The following CACNA1B variants were observed in gnomAD, a reference collection of about 807,000 sequenced individuals.
The protein encoded by CACNA1B is calcium voltage-gated channel subunit alpha1 B, also known as voltage-dependent N-type calcium channel subunit alpha-1B.
A neutral mutation model predicts 247.2 loss-of-function variants in CACNA1B; 70 were observed. The ratio of observed to expected loss-of-function variants is 0.28; its 90% CI spans 0.23 to 0.35. The LOEUF (loss-of-function observed/expected upper bound fraction) is 0.35. Among genes scored for constraint, CACNA1B ranks in the 10% least tolerant of loss-of-function variants. The pLI, the probability that CACNA1B is intolerant of heterozygous loss-of-function variation, is 1.00. For missense variants in CACNA1B, 2,367 were observed against 3,197.4 expected (o/e 0.74, Z 6.26); for synonymous variants, 1,231 against 1,294.4 (o/e 0.95, Z 1.05).
chr9:138,050,006 C>T lies in CACNA1B; in HGVS notation c.3710+691C>T, dbSNP rs754882972. The T allele has an allele frequency of 1.1e-5, 13 of 1,165,500 alleles. No homozygotes were observed. The highest frequency in any genetic ancestry group is 5.8e-5 in the East Asian group (1 of 17,388). The allele number at this position is 1,165,500 out of a possible 1,614,324, so 72.2% of individuals were successfully genotyped here. On this transcript the variant is annotated intron_variant, in intron 24 of 46. Transcript: ENST00000371372. The surrounding 1 kb of genome is among the most constrained non-coding windows in gnomAD (Gnocchi z 5.2). The stretch of plus-strand genomic sequence containing the variant: ...GAGGGAGGGTCCACATCTCTCTGAG[C>T]GGCTGGGAGGGCTGCTCCTGGTGCC...
chr9:137,975,649 T>C (rs1326420197), intron 11 of CACNA1B, among the ~76,000 whole-genome samples: 1 of 152,200 alleles, frequency 6.6e-6, no homozygotes, highest in Non-Finnish European at 1.5e-5. Context: ...GGAGCTTGCC[T>C]CCTGCTGAGC....
rs1962034626 is a variant in CACNA1B at position 138,120,234 on chromosome 9, C to G, written c.6100C>G (p.Leu2034Val). Residue 2034 changes from leucine to valine, a missense_variant, in exon 45 of 47, where the codon CTT (leucine) becomes GTT (valine). By Grantham distance (32) the Leu-to-Val change is conservative. Coordinates refer to ENST00000371372, the MANE Select transcript of CACNA1B (RefSeq NM_000718.4). ...TLAQRPRGTH[L>V]CSTTPDRPPP... ...GGCCCAGCGGCCCCGTGGGACTCAT[C>G]TTTGCAGCACCACCCCGGACCGCCC... 6.2e-7 allele frequency: 1 copy of G among 1,607,852 alleles called. No homozygotes were observed. The highest frequency in any genetic ancestry group is 8.5e-7 in the Non-Finnish European group (1 of 1,177,942).
At chr9:138,069,813 TC>T in intron 32 of CACNA1B, 50 bp downstream of exon 32, 4 of 1,561,606 alleles carry the variant, frequency 2.6e-6, no homozygotes, top group Non-Finnish European at 3.5e-6. Flanking sequence ...CTTTGCTCGC[TC>T]TGCTCCTCTC....
intron 37 of CACNA1B, 126 bp downstream of exon 37, chr9:138,096,737 G>C: frequency 1.2e-6 from 1 of 838,450 alleles, no homozygotes; most frequent in Non-Finnish European, 1.8e-6. Flanking sequence ...GGGGCCTAGG[G>C]ATCTGTCCTG....
At chr9:138,029,931 C>A (rs6559260) in intron 20 of CACNA1B, among the ~76,000 whole-genome samples, 3 of 151,920 alleles carry the variant, frequency 2.0e-5, no homozygotes, top group Non-Finnish European at 1.5e-5. Flanking sequence ...CATCAAATTT[C>A]AAAATTAACT....
At chr9:137,953,657 T>A (rs1564205512) in intron 7 of CACNA1B, among the ~76,000 whole-genome samples, 1 of 152,064 alleles carries the variant, frequency 6.6e-6, no homozygotes. Flanking sequence ...ACATCTCAGC[T>A]GAGACCCCAC....
At chr9:138,044,033 C>A in intron 21 of CACNA1B, 133 bp downstream of exon 21, 1 of 1,232,724 alleles carries the variant, frequency 8.1e-7, no homozygotes, top group Non-Finnish European at 1.1e-6. Flanking sequence ...CCATGGCAGA[C>A]CCCAGAGGCA....
At chr9:137,884,069 C>T (rs1255606375) in intron 3 of CACNA1B, among the ~76,000 whole-genome samples, 2 of 151,968 alleles carry the variant, frequency 1.3e-5, no homozygotes, top group African/African-American at 2.4e-5. Flanking sequence ...CTCGCATTGC[C>T]TGCCTGGATC....
intron 7 of CACNA1B, among the ~76,000 whole-genome samples, chr9:137,953,270 T>C (rs1957900145): frequency 6.6e-6 from 1 of 152,186 alleles, no homozygotes; most frequent in African/African-American, 2.4e-5. Context: ...GGCTTCCTGC[T>C]CCCACCTTGG....
intron 10 of CACNA1B, among the ~76,000 whole-genome samples, chr9:137,970,043 CAT>C (rs1392723708): frequency 6.6e-6 from 1 of 152,192 alleles, no homozygotes; most frequent in Non-Finnish European, 1.5e-5. Context: ...GGTGTGCACA[CAT>C]ATGCATGTGT....
At chr9:138,087,036 T>C (rs1404335594) in intron 36 of CACNA1B, among the ~76,000 whole-genome samples, 3 of 151,182 alleles carry the variant, frequency 2.0e-5, no homozygotes, top group Non-Finnish European at 4.4e-5. Flanking sequence ...TACAAATTCA[T>C]GAAAATTAAC....
chr9:137,920,528 A>G (rs950492234), intron 6 of CACNA1B, among the ~76,000 whole-genome samples: 22 of 152,166 alleles, frequency 1.4e-4, no homozygotes, highest in Admixed American at 4.6e-4. Context: ...TTGAAACTGT[A>G]TTTTCCACTT....
Position 138,059,292 on chromosome 9 carries a change from C to T in CACNA1B, c.4584+103C>T, listed in dbSNP as rs908557273. The T allele has an allele frequency of 1.8e-5, 13 of 702,708 alleles. No individual in the cohort carries two copies. Among genetic ancestry groups the T allele is most frequent in the African/African-American group, 1.6e-4 (9 of 57,118 alleles). The allele number at this position is 702,708 out of a possible 1,614,324, so 43.5% of individuals were successfully genotyped here. On this transcript the variant is annotated intron_variant, in intron 30 of 46. Transcript: ENST00000371372. The surrounding 1 kb of genome is among the most constrained non-coding windows in gnomAD (Gnocchi z 4.2). ...TCACAATTTGGAGCTGGGAATTCTC[C>T]GAGTACCCAGAGTATATGTAATGCT...
intron 3 of CACNA1B, among the ~76,000 whole-genome samples, chr9:137,892,934 G>C (rs1460176863): frequency 6.6e-6 from 1 of 152,242 alleles, no homozygotes; most frequent in African/African-American, 2.4e-5. Flanking sequence ...TGGGCTCCCA[G>C]AGCCCGACAG....
In CACNA1B at chr9:138,122,203, C is replaced by T. The variant is rs200435559; in HGVS notation, c.*204C>T. The T allele has an allele frequency of 6.7e-6, 4 of 594,334 alleles. No individual in the cohort carries two copies. The highest frequency in any genetic ancestry group is 3.0e-5 in the Admixed American group (1 of 33,484). 36.8% of individuals were successfully genotyped at this position (594,334 alleles called of 1,614,324 possible). On this transcript the variant is annotated 3_prime_UTR_variant, in exon 47 of 47. Transcript: ENST00000371372. ...TTAGAGGATGCGGCTCTCTCTGTCC[C>T]CTTCCTGTCCTGCCTTCCTGGGTCT...
intron 6 of CACNA1B, among the ~76,000 whole-genome samples, chr9:137,934,972 A>G (rs1957648424): frequency 6.6e-6 from 1 of 152,254 alleles, no homozygotes; most frequent in Non-Finnish European, 1.5e-5. Flanking sequence ...GGTCCAAACC[A>G]AGAAGAAATC....
chr9:137,880,193 G>T lies in CACNA1B; in HGVS notation c.390+1034G>T, dbSNP rs1167927124. Reference sequence around the variant, plus strand: ...GTGCAGAAGGGGAGACAGGGAGCCTGTCCTGGAGGTGAGGCACCAGGAGGT... The same window carrying T: ...GTGCAGAAGGGGAGACAGGGAGCCTTTCCTGGAGGTGAGGCACCAGGAGGT... On this transcript the variant is annotated intron_variant, in intron 2 of 46. Coordinates refer to ENST00000371372, the MANE Select transcript of CACNA1B (RefSeq NM_000718.4). The surrounding 1 kb of genome is among the most constrained non-coding windows in gnomAD (Gnocchi z 4.8). Among the ~76,000 whole-genome samples, 1 of 152,204 alleles carries T rather than the reference G, an allele frequency of 6.6e-6. No individual in the cohort carries two copies. Among genetic ancestry groups the T allele is most frequent in the African/African-American group, 2.4e-5 (1 of 41,456 alleles).
intron 18 of CACNA1B, among the ~76,000 whole-genome samples, chr9:138,016,531 C>G (rs1958793918): frequency 6.6e-6 from 1 of 152,220 alleles, no homozygotes; most frequent in African/African-American, 2.4e-5. Context: ...GGGCTGGAAC[C>G]AGAGTGGGGT....
Sources: allele counts gnomAD v4.1 joint callset (sites outside exome capture counted in the v4.1 genomes callset), GRCh38; gene constraint gnomAD v4.1.1; non-coding constraint Gnocchi (gnomAD v3.1); transcripts MANE v1.5; gene names NCBI Gene and HGNC (gene_info 2026-07-23, HGNC 2026-07-21).